The following PRPF18 variants were observed in gnomAD, a reference collection of about 807,000 sequenced individuals.
PRPF18 encodes the protein pre-mRNA-splicing factor 18.
A neutral mutation model predicts 46.5 loss-of-function variants in PRPF18; 38 were observed. The ratio of observed to expected loss-of-function variants is 0.82; its 90% CI spans 0.63 to 1.07. The LOEUF is 1.07. PRPF18 is among the 50% of genes least tolerant of loss of function. The pLI is 0.00. For synonymous variants in PRPF18, 152 were observed against 146.7 expected, an observed-to-expected ratio of 1.04 and a Z score of -0.26; for missense variants, 263 against 410.0, an observed-to-expected ratio of 0.64 and a Z score of 3.10.
At chr10:13,625,934 C>T (rs948519722) in intron 9 of PRPF18, among the ~76,000 whole-genome samples, 4 of 152,342 alleles carry the variant, frequency 2.6e-5, no homozygotes, top group South Asian at 2.1e-4. Context: ...TAGTCATTAT[C>T]GTCATAGCTG....
At chr10:13,654,078 T>TA in the PRPF18 span, 1,722 of 452,204 alleles carry the variant, frequency 3.8e-3, 8 homozygotes, top group Non-Finnish European at 5.6e-3. Flanking sequence ...TTGCCTGGCA[T>TA]TTTGAGTCAG....
At chr10:13,614,488 A>G (rs904005327) in intron 8 of PRPF18, among the ~76,000 whole-genome samples, 4 of 152,230 alleles carry the variant, frequency 2.6e-5, no homozygotes, top group Admixed American at 2.0e-4. Context: ...AGCCCCTTTA[A>G]TCTGTAATAT....
chr10:13,652,793 A>C, the PRPF18 span: 1 of 152,176 alleles, frequency 6.6e-6, no homozygotes, highest in Admixed American at 6.5e-5. Context: ...GGCTTATCAG[A>C]ATGCAGCCTG....
intron 1 of PRPF18, among the ~76,000 whole-genome samples, chr10:13,594,133 G>T (rs946810266): frequency 1.3e-5 from 2 of 152,204 alleles, no homozygotes; most frequent in Non-Finnish European, 2.9e-5. Flanking sequence ...AGAAATTAAA[G>T]CCAGGAAATT....
At chr10:13,627,334 A>G (rs2080523419) in intron 9 of PRPF18, among the ~76,000 whole-genome samples, 1 of 152,134 alleles carries the variant, frequency 6.6e-6, no homozygotes, top group African/African-American at 2.4e-5. Context: ...TCGCTACTGT[A>G]TTTCCAGAGC....
intron 1 of PRPF18, among the ~76,000 whole-genome samples, chr10:13,589,248 C>G (rs1230709866): frequency 6.6e-6 from 1 of 152,116 alleles, no homozygotes; most frequent in Non-Finnish European, 1.5e-5. Flanking sequence ...TGCCAAATAC[C>G]CAAGTCTGAA....
intron 9 of PRPF18, among the ~76,000 whole-genome samples, chr10:13,627,876 C>T (rs2080532710): frequency 6.6e-6 from 1 of 152,222 alleles, no homozygotes; most frequent in Non-Finnish European, 1.5e-5. Context: ...TTGCGCATAA[C>T]AATTCTTGCC....
chr10:13,654,562 C>A, the PRPF18 span: 1 of 1,223,626 alleles, frequency 8.2e-7, no homozygotes, highest in South Asian at 1.3e-5. Context: ...GGATCAGACA[C>A]AGGTGAAAGA....
At chr10:13,591,715 A>G in intron 1 of PRPF18, 2 of 890,942 alleles carry the variant, frequency 2.2e-6, no homozygotes, top group South Asian at 1.4e-5. Context: ...TACATCGCTG[A>G]TAACAATTTT....
chr10:13,591,801 A>G, intron 1 of PRPF18: 2 of 1,443,948 alleles, frequency 1.4e-6, no homozygotes, highest in South Asian at 1.1e-5. Context: ...GTCCAGTCAC[A>G]AGTAACAAGC....
At chr10:13,642,571 G>A in the PRPF18 span, 1 of 152,118 alleles carries the variant, frequency 6.6e-6, no homozygotes, top group Non-Finnish European at 1.5e-5. Flanking sequence ...ATTGATAGAT[G>A]AAGAGGTGAA....
Position 13,586,982 on chromosome 10 carries a change from T to TC in PRPF18, c.-105_-104insC. On this transcript the variant is annotated 5_prime_UTR_variant, in exon 1 of 10. Transcript: ENST00000378572. ...CTCCTGTCAGTTGTTCTCAGGTGTT[T>TC]GGGCTTGTTGTTCCGTATACTCAGT... 8.5e-7 allele frequency: 1 copy of TC among 1,174,762 alleles called. No homozygotes were observed. Among genetic ancestry groups the TC allele is most frequent in the African/African-American group, 1.5e-5 (1 of 66,318 alleles). The allele number at this position is 1,174,762 out of a possible 1,614,324, so 72.8% of individuals were successfully genotyped here.
At chr10:13,602,709 G>A (rs7089009) in intron 3 of PRPF18, among the ~76,000 whole-genome samples, 1,960 of 151,880 alleles carry the variant, frequency 0.013, 44 homozygotes, top group African/African-American at 0.045. Context: ...GAAATTTCAC[G>A]TCACTTACAT....
downstream of PRPF18, chr10:13,631,068 T>TTG (rs1479579602): frequency 6.6e-6 from 1 of 152,154 alleles, no homozygotes; most frequent in East Asian, 1.9e-4. Flanking sequence ...GGACAGTGGT[T>TTG]TGTGATGCCA....
the PRPF18 span, chr10:13,643,348 C>G: frequency 6.6e-6 from 1 of 152,212 alleles, no homozygotes; most frequent in African/African-American, 2.4e-5. Flanking sequence ...CATGCTGGCA[C>G]ATATTACACA....
intron 1 of PRPF18, among the ~76,000 whole-genome samples, chr10:13,595,171 G>A (rs931250404): frequency 2.6e-5 from 4 of 151,998 alleles, no homozygotes; most frequent in African/African-American, 9.7e-5. Context: ...GACTGTCAGT[G>A]CAAATCTGAG....
the PRPF18 span, chr10:13,645,292 T>G: frequency 6.6e-6 from 1 of 151,944 alleles, no homozygotes; most frequent in South Asian, 2.1e-4. Flanking sequence ...ACCCCCACCC[T>G]GGCTCCTGTC....
chr10:13,603,873 G>A (rs1471116314), intron 3 of PRPF18, among the ~76,000 whole-genome samples: 1 of 152,168 alleles, frequency 6.6e-6, no homozygotes, highest in East Asian at 1.9e-4. Context: ...TGAGGTGAAG[G>A]AATTTAGAAT....
At chr10:13,598,154 A>G (rs767914303) in intron 2 of PRPF18, among the ~76,000 whole-genome samples, 2 of 152,162 alleles carry the variant, frequency 1.3e-5, no homozygotes, top group Non-Finnish European at 2.9e-5. Context: ...TTAGAAACAA[A>G]TGAGTTGTCT....
Sources: allele counts gnomAD v4.1 joint callset (sites outside exome capture counted in the v4.1 genomes callset), GRCh38; gene constraint gnomAD v4.1.1; transcripts MANE v1.5; gene names NCBI Gene and HGNC (gene_info 2026-07-23, HGNC 2026-07-21).